Variants in NDUFS6 observed in about 807,000 individuals in gnomAD.
NDUFS6 encodes NADH dehydrogenase [ubiquinone] iron-sulfur protein 6, mitochondrial.
In NDUFS6, 14 loss-of-function variants were observed where a neutral mutation model predicts 13.2. That is an observed-to-expected ratio of 1.06 (90% CI 0.70 to 1.66). NDUFS6 has a LOEUF of 1.66. NDUFS6 is among the 40% of genes most tolerant of loss of function. The probability of loss-of-function intolerance (pLI) is 0.00; values close to 1 mark genes in which losing one functional copy is unlikely to be tolerated. For missense variants in NDUFS6, 206 were observed against 170.8 expected, an observed-to-expected ratio of 1.21 and a Z score of -1.15; for synonymous variants, 95 against 72.3, an observed-to-expected ratio of 1.31 and a Z score of -1.60.
Position 1,815,845 on chromosome 5 carries a change from T to A in NDUFS6, c.310-6T>A. On this transcript the variant is annotated splice_polypyrimidine_tract_variant and splice_region_variant and intron_variant, in intron 3 of 3. Coordinates refer to ENST00000274137, the MANE Select transcript of NDUFS6 (RefSeq NM_004553.6). ...ATATGACATCATTCCTTTTGAATTT[T>A]TTCAGGACAAAGAAACAAAAACCGG... 4 of 1,614,198 alleles carry A rather than the reference T, an allele frequency of 2.5e-6. No individual in the cohort carries two copies. The highest frequency in any genetic ancestry group is 3.4e-6 in the Non-Finnish European group (4 of 1,179,986).
Position 1,801,530 on chromosome 5 carries a change from A to C in NDUFS6, c.113A>C (p.Lys38Thr). The C allele has an allele frequency of 2.5e-6, 4 of 1,592,806 alleles. No individual in the cohort carries two copies. Among genetic ancestry groups the C allele is most frequent in the Non-Finnish European group, 3.4e-6 (4 of 1,176,230 alleles). The change falls in exon 1 of 4, where the codon AAG (lysine) becomes ACG (threonine). Residue 38 changes from lysine (K) to threonine (T), a missense_variant. Physicochemically the swap from Lys to Thr is moderately conservative, Grantham distance 78 (BLOSUM62 -1). Coordinates refer to ENST00000274137, the MANE Select transcript of NDUFS6 (RefSeq NM_004553.6). ...FGVRVSPTGE[K>T]VTHTGQVYDD... ...GTGCGGGTCTCGCCGACCGGGGAGA[A>C]GGTCACGCACACTGGCCAGGTAACG...
At chr5:1,807,581 C>T (rs1734147003) in intron 2 of NDUFS6, among the ~76,000 whole-genome samples, 1 of 152,174 alleles carries the variant, frequency 6.6e-6, no homozygotes. Context: ...AGGGCACACT[C>T]GGGTGGGGAA....
chr5:1,805,456 C>T (rs1342901248), intron 2 of NDUFS6, among the ~76,000 whole-genome samples: 2 of 152,234 alleles, frequency 1.3e-5, no homozygotes, highest in African/African-American at 4.8e-5. Flanking sequence ...GGCTCCTGCC[C>T]AGCTTTGACC....
Position 1,814,315 on chromosome 5 carries a change from CG to C in NDUFS6, c.187-23del. ...GTTAGCAAGTTTGTGTATTTGTTTA[CG>C]TAAGTCTTTCTTCTTGTTCCAGGTG... On this transcript the variant is annotated intron_variant, in intron 2 of 3. Transcript: ENST00000274137. This position sits in a 1 kb window ranked among gnomAD's most constrained non-coding sequence, Gnocchi z 4.9. The C allele has an allele frequency of 6.2e-7, 1 of 1,614,100 alleles. No homozygotes were observed. Among genetic ancestry groups the C allele is most frequent in the Non-Finnish European group, 8.5e-7 (1 of 1,179,990 alleles).
At chr5:1,808,672 G>A (rs1211036868) in intron 2 of NDUFS6, among the ~76,000 whole-genome samples, 1 of 152,152 alleles carries the variant, frequency 6.6e-6, no homozygotes, top group Admixed American at 6.5e-5. Flanking sequence ...TTAGTCACTG[G>A]ATTCCAACAT....
chr5:1,809,894 C>T (rs956578083), intron 2 of NDUFS6, among the ~76,000 whole-genome samples: 7 of 152,238 alleles, frequency 4.6e-5, no homozygotes, highest in Non-Finnish European at 8.8e-5. Flanking sequence ...ACCTGGGCGG[C>T]GCCACACGGC....
At chr5:1,803,036 G>A (rs1734074117) in intron 2 of NDUFS6, among the ~76,000 whole-genome samples, 1 of 152,042 alleles carries the variant, frequency 6.6e-6, no homozygotes, top group African/African-American at 2.4e-5. Flanking sequence ...GCTGTGAAGT[G>A]TCCTTCACAG....
chr5:1,815,163 C>G (rs1257372499), intron 3 of NDUFS6, among the ~76,000 whole-genome samples: 1 of 152,052 alleles, frequency 6.6e-6, no homozygotes, highest in Non-Finnish European at 1.5e-5. Flanking sequence ...AAAAAGAACA[C>G]AGGACCGGAG....
At chr5:1,810,546 A>T (rs540265749) in intron 2 of NDUFS6, among the ~76,000 whole-genome samples, 1 of 152,384 alleles carries the variant, frequency 6.6e-6, no homozygotes, top group South Asian at 2.1e-4. Flanking sequence ...CATCGTGAGC[A>T]TCATCAAATA....
At chr5:1,812,713 T>C (rs1734237737) in intron 2 of NDUFS6, among the ~76,000 whole-genome samples, 2 of 150,974 alleles carry the variant, frequency 1.3e-5, no homozygotes, top group South Asian at 4.2e-4. Context: ...GCAGCAGGGG[T>C]CCTCATTGCC....
In NDUFS6 at chr5:1,801,563, G is replaced by C. The variant is rs955118924; in HGVS notation, c.132+14G>C. 1.3e-6 allele frequency: 2 copies of C among 1,572,390 alleles called. No homozygotes were observed. The highest frequency in any genetic ancestry group is 3.6e-5 in the Admixed American group (2 of 56,056). On this transcript the variant is annotated intron_variant, in intron 1 of 3. Transcript: ENST00000274137. ...CACACTGGCCAGGTAACGGCCGCTG[G>C]GTACAGGATGCACCTTCCTCCAGCC...
chr5:1,802,055 C>G, intron 1 of NDUFS6: 1 of 489,590 alleles, frequency 2.0e-6, no homozygotes, highest in Admixed American at 3.7e-5. Flanking sequence ...CGGTTCTCCT[C>G]GGTCAGGATT....
At chr5:1,811,028 G>C (rs913963512) in intron 2 of NDUFS6, among the ~76,000 whole-genome samples, 42 of 152,218 alleles carry the variant, frequency 2.8e-4, no homozygotes, top group Middle Eastern at 3.4e-3. Context: ...TGAGGATGAA[G>C]ACCTTTATGA....
At chr5:1,815,757 C>T (rs1734298287) in intron 3 of NDUFS6, 94 bp from the exon 4 acceptor site, 4 of 1,276,792 alleles carry the variant, frequency 3.1e-6, no homozygotes, top group Non-Finnish European at 1.1e-6. Flanking sequence ...TTGTTTCTGA[C>T]AGTCTAAGTT....
At chr5:1,808,021 C>A (rs1734153651) in intron 2 of NDUFS6, among the ~76,000 whole-genome samples, 1 of 152,188 alleles carries the variant, frequency 6.6e-6, no homozygotes, top group Non-Finnish European at 1.5e-5. Context: ...GTGAGGCCCC[C>A]AGCCAGACAG....
chr5:1,806,317 G>A (rs114654047), intron 2 of NDUFS6, among the ~76,000 whole-genome samples: 1,637 of 152,260 alleles, frequency 0.011, 29 homozygotes, highest in African/African-American at 0.037. Context: ...ATGCTCGGCA[G>A]GGCGGAGTCA....
chr5:1,802,422 A>G (rs1734062367), intron 2 of NDUFS6, 48 bp downstream of exon 2: 1 of 1,467,980 alleles, frequency 6.8e-7, no homozygotes, highest in Admixed American at 1.7e-5. Flanking sequence ...TAAAACTTTT[A>G]TGTAACCAAC....
At chr5:1,806,337 C>T (rs921579991) in intron 2 of NDUFS6, among the ~76,000 whole-genome samples, 6 of 152,170 alleles carry the variant, frequency 3.9e-5, no homozygotes, top group Admixed American at 2.6e-4. Flanking sequence ...ACTCCCTGAC[C>T]CGCACAGCCC....
chr5:1,812,905 T>G (rs1391540179), intron 2 of NDUFS6, among the ~76,000 whole-genome samples: 4 of 151,976 alleles, frequency 2.6e-5, no homozygotes, highest in Admixed American at 2.0e-4. Context: ...ATACAAAAAT[T>G]AGTCGGACGT....
Sources: gnomAD v4.1 joint callset for allele counts (sites outside exome capture counted in the v4.1 genomes callset) on GRCh38, gnomAD v4.1.1 for gene constraint, Gnocchi (gnomAD v3.1) non-coding constraint, MANE v1.5 for transcripts, NCBI Gene and HGNC (gene_info 2026-07-23, HGNC 2026-07-21) for gene names.